VPS13B: variants seen among roughly 807,000 people sequenced by gnomAD.
The protein encoded by VPS13B is vacuolar protein sorting 13 homolog B.
In VPS13B, 285 loss-of-function variants were observed where a neutral mutation model predicts 426.4. The ratio of observed to expected loss-of-function variants is 0.67; its 90% CI spans 0.61 to 0.74. VPS13B has a LOEUF of 0.74. Among genes scored for constraint, VPS13B ranks in the 30% least tolerant of loss-of-function variants. The pLI is 0.00. For synonymous variants in VPS13B, 1,676 were observed against 1,676.4 expected, an observed-to-expected ratio of 1.00 and a Z score of 0.01; for missense variants, 4,537 against 4,782.6, an observed-to-expected ratio of 0.95 and a Z score of 1.51.
At chr8:99,261,780 G>A (rs565746687) in intron 17 of VPS13B, among the ~76,000 whole-genome samples, 2 of 152,116 alleles carry the variant, frequency 1.3e-5, no homozygotes, top group Non-Finnish European at 2.9e-5. Flanking sequence ...TTCTAAGAAT[G>A]TATGTGGTTA....
At chr8:99,610,273 A>G (rs1827786749) in intron 33 of VPS13B, among the ~76,000 whole-genome samples, 2 of 152,214 alleles carry the variant, frequency 1.3e-5, no homozygotes, top group African/African-American at 4.8e-5. Flanking sequence ...TCATCCTACT[A>G]TAAAGACACA....
chr8:99,758,720 C>T (rs573535356), intron 39 of VPS13B, among the ~76,000 whole-genome samples: 1 of 152,166 alleles, frequency 6.6e-6, no homozygotes, highest in Non-Finnish European at 1.5e-5. Context: ...TGTACCTACT[C>T]TTACCAACCT....
intron 30 of VPS13B, among the ~76,000 whole-genome samples, chr8:99,544,692 A>AACCAAC (rs1554839747): frequency 6.6e-6 from 1 of 151,610 alleles, no homozygotes; most frequent in Non-Finnish European, 1.5e-5. Context: ...ATGTGCTGCA[A>AACCAAC]AACAACAACA....
intron 12 of VPS13B, among the ~76,000 whole-genome samples, 189 bp downstream of exon 12, chr8:99,136,941 T>A (rs1458761374): frequency 6.6e-6 from 1 of 152,224 alleles, no homozygotes; most frequent in Non-Finnish European, 1.5e-5. Flanking sequence ...AATCCATTCT[T>A]TATACAGCTG....
chr8:99,709,395 A>G (rs1361125708), intron 36 of VPS13B, among the ~76,000 whole-genome samples: 1 of 152,188 alleles, frequency 6.6e-6, no homozygotes, highest in Non-Finnish European at 1.5e-5. Flanking sequence ...ATTTTCCAAA[A>G]CAAGTGGTTT....
intron 33 of VPS13B, among the ~76,000 whole-genome samples, chr8:99,590,067 A>G (rs906027698): frequency 1.3e-5 from 2 of 152,154 alleles, no homozygotes; most frequent in African/African-American, 4.8e-5. Flanking sequence ...TAGTCTTGGA[A>G]GAGTGTATAA....
chr8:99,819,436 T>C lies in VPS13B; in HGVS notation c.8646T>C (p.Cys2882=). Residue 2882 remains cysteine (C), a synonymous_variant, in exon 48 of 62, where the codon TGT becomes TGC. Coordinates refer to ENST00000357162, the MANE Select transcript of VPS13B (RefSeq NM_152564.5). ...GAGAAGAATATGATCCTTCAGATTG[T>C]GCAGTTCCCATCTCAACATCCCTCA... ...QAREEYDPSD[C]AVPISTSLIK... 1.2e-6 allele frequency: 2 copies of C among 1,613,918 alleles called. No individual in the cohort carries two copies. The highest frequency in any genetic ancestry group is 1.7e-6 in the Non-Finnish European group (2 of 1,179,840).
chr8:99,232,813 T>C lies in VPS13B; in HGVS notation c.2515+39756T>C, dbSNP rs903283117. Among the ~76,000 whole-genome samples the C allele has an allele frequency of 3.3e-5, 5 of 152,194 alleles. No individual in the cohort carries two copies. The East Asian group carries it at 9.6e-4, about 29-fold the overall frequency. Reference sequence around the variant, plus strand: ...TGGATTGCTGAAGCTGCAGAAGTCCTGGGAGGTAGGAGGCAGGGCCCGGAG... The same window carrying C: ...TGGATTGCTGAAGCTGCAGAAGTCCCGGGAGGTAGGAGGCAGGGCCCGGAG... On this transcript the variant is annotated intron_variant, in intron 17 of 61. Transcript: ENST00000357162.
chr8:99,705,279 A>G lies in VPS13B; in HGVS notation c.6454+5347A>G, dbSNP rs904403555. On this transcript the variant is annotated intron_variant, in intron 36 of 61. Coordinates refer to ENST00000357162, the MANE Select transcript of VPS13B (RefSeq NM_152564.5). ...TTCTAAAAATTGGCTGGGAAATAAG[A>G]AGAACAAGTAAAATTATCTTAACTT... is the stretch of plus-strand genomic sequence containing the variant. 2.5e-4 allele frequency among the ~76,000 whole-genome samples: 38 copies of G among 151,142 alleles called. 1 individual carries two copies. Among genetic ancestry groups the G allele is most frequent in the Admixed American group, 6.6e-5 (1 of 15,202 alleles).
At chr8:99,047,028 G>A (rs1006700677) in intron 3 of VPS13B, among the ~76,000 whole-genome samples, 5 of 152,116 alleles carry the variant, frequency 3.3e-5, no homozygotes, top group African/African-American at 1.2e-4. Flanking sequence ...GTATTAGGGT[G>A]ATATCGGTTT....
chr8:99,465,917 A>G (rs1411029119), intron 23 of VPS13B, among the ~76,000 whole-genome samples: 1 of 152,108 alleles, frequency 6.6e-6, no homozygotes, highest in Non-Finnish European at 1.5e-5. Flanking sequence ...TCTCACTTTC[A>G]AAGTTTCTAA....
intron 17 of VPS13B, among the ~76,000 whole-genome samples, chr8:99,237,692 A>G (rs573493940): frequency 6.6e-6 from 1 of 152,274 alleles, no homozygotes; most frequent in South Asian, 2.1e-4. Context: ...ATAGTGGTGT[A>G]TGCTGCTTGA....
intron 33 of VPS13B, among the ~76,000 whole-genome samples, chr8:99,580,931 G>A (rs1206137216): frequency 6.6e-6 from 1 of 150,842 alleles, no homozygotes; most frequent in Non-Finnish European, 1.5e-5. Flanking sequence ...GATCACTTGA[G>A]CTTAGGAGTT....
At chr8:99,079,028 C>T (rs903397240) in intron 3 of VPS13B, among the ~76,000 whole-genome samples, 7 of 151,964 alleles carry the variant, frequency 4.6e-5, no homozygotes, top group Non-Finnish European at 7.4e-5. Flanking sequence ...AGTGGCAGGC[C>T]GGTAGGATCA....
intron 33 of VPS13B, among the ~76,000 whole-genome samples, chr8:99,640,764 A>G (rs551821583): frequency 1.1e-4 from 16 of 151,450 alleles, no homozygotes; most frequent in South Asian, 8.3e-4. Flanking sequence ...TGAGTTATCA[A>G]TTTGTCCCTA....
chr8:99,631,985 C>G (rs1217441062), intron 33 of VPS13B, among the ~76,000 whole-genome samples: 1 of 151,756 alleles, frequency 6.6e-6, no homozygotes, highest in Non-Finnish European at 1.5e-5. Context: ...AGCCCAGCAG[C>G]ACAATATTAT....
chr8:99,842,476 G>A (rs909336760), intron 54 of VPS13B, among the ~76,000 whole-genome samples: 23 of 151,726 alleles, frequency 1.5e-4, no homozygotes, highest in Non-Finnish European at 2.5e-4. Context: ...ATCACCAAGC[G>A]TGGTGGTGCA....
chr8:99,561,322 A>G (rs939868934), intron 31 of VPS13B, among the ~76,000 whole-genome samples: 7 of 152,156 alleles, frequency 4.6e-5, no homozygotes, highest in African/African-American at 1.7e-4. Flanking sequence ...GTGACCTTTT[A>G]TATCTGGCCT....
In VPS13B at chr8:99,630,390, G is replaced by T. The variant is rs528633962; in HGVS notation, c.5221-11421G>T. On this transcript the variant is annotated intron_variant, in intron 33 of 61. Coordinates refer to ENST00000357162, the MANE Select transcript of VPS13B (RefSeq NM_152564.5). ...TTCCCTAAGCCTCATTGTCTCTACT[G>T]CCATTTCAACAAGTCCAAATCCTGG... is the stretch of plus-strand genomic sequence containing the variant. Among the ~76,000 whole-genome samples, 13 of 151,822 alleles carry T rather than the reference G, an allele frequency of 8.6e-5. No individual in the cohort carries two copies. The South Asian group carries it at 1.5e-3, about 17-fold the overall frequency.
Sources: gnomAD v4.1 joint callset for allele counts (sites outside exome capture counted in the v4.1 genomes callset) on GRCh38, gnomAD v4.1.1 for gene constraint, MANE v1.5 for transcripts, NCBI Gene and HGNC (gene_info 2026-07-23, HGNC 2026-07-21) for gene names.